MRPS31: variants seen among roughly 807,000 people sequenced by gnomAD.
MRPS31 encodes small ribosomal subunit protein mS31.
In MRPS31, 32 loss-of-function variants were observed where a neutral mutation model predicts 43.1. The observed-to-expected ratio is 0.74, with a 90% CI of 0.56 to 1.00. The LOEUF (loss-of-function observed/expected upper bound fraction) is 1.00. Among genes scored for constraint, MRPS31 ranks in the 50% least tolerant of loss-of-function variants. The pLI, the probability that MRPS31 is intolerant of heterozygous loss-of-function variation, is 0.00. For missense variants in MRPS31, 437 were observed against 466.7 expected (o/e 0.94, Z 0.59); for synonymous variants, 165 against 161.6 (o/e 1.02, Z -0.16).
chr13:40,733,375 G>T (rs1209544089), intron 6 of MRPS31, among the ~76,000 whole-genome samples: 1 of 152,108 alleles, frequency 6.6e-6, no homozygotes, highest in East Asian at 1.9e-4. Flanking sequence ...AATAGTTAAA[G>T]AATGTCCCCG....
At chr13:40,733,901 G>T (rs1422904703) in intron 6 of MRPS31, among the ~76,000 whole-genome samples, 1 of 139,952 alleles carries the variant, frequency 7.1e-6, no homozygotes, top group Admixed American at 7.8e-5. Context: ...CAAGGCTTCA[G>T]TGAGCCAAGA....
At chr13:40,748,059 T>A (rs1370443011) in intron 6 of MRPS31, among the ~76,000 whole-genome samples, 1 of 152,184 alleles carries the variant, frequency 6.6e-6, no homozygotes, top group African/African-American at 2.4e-5. Context: ...ACCATAACAT[T>A]ATGAAGGTTA....
intron 6 of MRPS31, among the ~76,000 whole-genome samples, chr13:40,748,513 C>A (rs183872025): frequency 2.0e-5 from 3 of 152,338 alleles, no homozygotes; most frequent in Non-Finnish European, 4.4e-5. Context: ...TAGCTGATGA[C>A]AACATGGGTA....
intron 6 of MRPS31, among the ~76,000 whole-genome samples, chr13:40,746,706 A>G (rs1880248936): frequency 6.6e-6 from 1 of 152,224 alleles, no homozygotes; most frequent in South Asian, 2.1e-4. Flanking sequence ...GTTCCCAGAT[A>G]ATACATACTA....
chr13:40,767,738 A>T (rs1880891767), intron 1 of MRPS31, among the ~76,000 whole-genome samples: 1 of 152,246 alleles, frequency 6.6e-6, no homozygotes, highest in Admixed American at 6.5e-5. Flanking sequence ...TGGTTAATAA[A>T]TGACAATTTA....
chr13:40,738,338 C>A (rs956821561), intron 6 of MRPS31, among the ~76,000 whole-genome samples: 220 of 152,252 alleles, frequency 1.4e-3, no homozygotes, highest in Non-Finnish European at 2.6e-3. Context: ...GATGGATTCA[C>A]AGCTGAATTC....
chr13:40,769,116 G>A (rs1430682574), intron 1 of MRPS31, among the ~76,000 whole-genome samples: 3 of 151,870 alleles, frequency 2.0e-5, no homozygotes, highest in Non-Finnish European at 4.4e-5. Flanking sequence ...GGTGGTGCAC[G>A]CCTGTAATTC....
intron 6 of MRPS31, among the ~76,000 whole-genome samples, chr13:40,747,342 A>G (rs1392816021): frequency 6.6e-6 from 1 of 152,172 alleles, no homozygotes; most frequent in East Asian, 1.9e-4. Context: ...GAGTAAACCA[A>G]ATCTTTCCTT....
chr13:40,771,170 G>A lies in MRPS31; in HGVS notation c.-34C>T. Reference sequence around the variant, plus strand: ...CACGAAATGAACCAAGAACACAACTGAAATGGTGCGTCCCGCTGCCAAACA... The same window carrying A: ...CACGAAATGAACCAAGAACACAACTAAAATGGTGCGTCCCGCTGCCAAACA... On this transcript the variant is annotated 5_prime_UTR_variant, in exon 1 of 7. Transcript: ENST00000323563. 1.3e-6 allele frequency: 2 copies of A among 1,559,546 alleles called. No individual in the cohort carries two copies. Among genetic ancestry groups the A allele is most frequent in the Non-Finnish European group, 1.7e-6 (2 of 1,149,090 alleles).
chr13:40,751,548 A>G (rs1285246033), intron 5 of MRPS31, among the ~76,000 whole-genome samples: 7 of 152,228 alleles, frequency 4.6e-5, no homozygotes, highest in Non-Finnish European at 7.3e-5. Context: ...GCCTATGAGT[A>G]TATCCTTTGT....
intron 6 of MRPS31, among the ~76,000 whole-genome samples, chr13:40,744,317 T>C (rs1474550009): frequency 6.6e-6 from 1 of 152,166 alleles, no homozygotes; most frequent in Non-Finnish European, 1.5e-5. Context: ...CTTACCCATG[T>C]AACAAACTTG....
Position 40,756,901 on chromosome 13 carries a change from G to A in MRPS31, c.712C>T (p.Gln238Ter). The change falls in exon 4 of 7, where the codon CAG becomes TAG. Residue 238 changes from glutamine (Q) to a stop codon, truncating the protein, a stop_gained. Transcript: ENST00000323563. LOFTEE classifies it high-confidence loss of function. Reference sequence around the variant, plus strand: ...TTTTTAAGATCATCCGTCTTCTCCTGGCCAGGATAATTGTCATAGCCTTCA... The same window carrying A: ...TTTTTAAGATCATCCGTCTTCTCCTAGCCAGGATAATTGTCATAGCCTTCA... The part of the protein sequence containing the change: ...FDEGYDNYPG[Q>*]EKTDDLKKRK... 6.2e-7 allele frequency: 1 copy of A among 1,613,720 alleles called. No homozygotes were observed. The highest frequency in any genetic ancestry group is 8.5e-7 in the Non-Finnish European group (1 of 1,179,886).
chr13:40,735,232 A>T (rs1001900585), intron 6 of MRPS31, among the ~76,000 whole-genome samples: 2 of 152,236 alleles, frequency 1.3e-5, no homozygotes, highest in African/African-American at 4.8e-5. Flanking sequence ...CAACGGGCTT[A>T]AAAAACGGCG....
intron 5 of MRPS31, among the ~76,000 whole-genome samples, chr13:40,749,827 CA>C (rs1263613140): frequency 6.6e-6 from 1 of 152,190 alleles, no homozygotes; most frequent in African/African-American, 2.4e-5. Flanking sequence ...TTACCACTAT[CA>C]AATTACATGT....
In MRPS31 at chr13:40,749,257, A is replaced by G; in HGVS notation, c.839T>C (p.Val280Ala). 6.3e-7 allele frequency: 1 copy of G among 1,592,204 alleles called. No individual in the cohort carries two copies. Among genetic ancestry groups the G allele is most frequent in the Non-Finnish European group, 8.5e-7 (1 of 1,174,282 alleles). ...ETDTSPSLWD[V>A]EFAKQLATVN... ...TGTGGCTAACTGCTTAGCAAATTCC[A>G]CATCCCAAAGTGAAGGTGATGTGTC... The change falls in exon 6 of 7, where the codon GTG becomes GCG. Residue 280 changes from valine (V) to alanine (A), a missense_variant. Val to Ala is a moderately conservative substitution (Grantham distance 64). Transcript: ENST00000323563.
chr13:40,750,742 TTA>T (rs66521234), intron 5 of MRPS31, among the ~76,000 whole-genome samples: 46,746 of 130,308 alleles, frequency 0.36, 8,289 homozygotes, highest in Non-Finnish European at 0.43. Context: ...GTATCCCATT[TTA>T]TATATATATA....
chr13:40,756,453 G>T (rs1393592335), intron 4 of MRPS31, among the ~76,000 whole-genome samples: 2 of 152,032 alleles, frequency 1.3e-5, no homozygotes, highest in Non-Finnish European at 1.5e-5. Context: ...TTGATGGTGG[G>T]TTATTTCTCT....
intron 5 of MRPS31, 119 bp from the exon 6 acceptor site, chr13:40,749,400 G>T: frequency 1.5e-6 from 1 of 670,168 alleles, no homozygotes; most frequent in Non-Finnish European, 2.2e-6. Flanking sequence ...TAATTAAATA[G>T]TATATAATAA....
At chr13:40,741,504 T>C (rs2137999411) in intron 6 of MRPS31, among the ~76,000 whole-genome samples, 1 of 152,244 alleles carries the variant, frequency 6.6e-6, no homozygotes, top group South Asian at 2.1e-4. Flanking sequence ...TGTAATCTGG[T>C]TATCAATCAG....
Sources: allele counts gnomAD v4.1 joint callset (sites outside exome capture counted in the v4.1 genomes callset), GRCh38; gene constraint gnomAD v4.1.1; transcripts MANE v1.5; gene names NCBI Gene and HGNC (gene_info 2026-07-23, HGNC 2026-07-21).